Variants in DDAH1 observed in about 807,000 individuals in gnomAD.
The protein encoded by DDAH1 is N(G),N(G)-dimethylarginine dimethylaminohydrolase 1.
In DDAH1, 19 loss-of-function variants were observed where a neutral mutation model predicts 28.8. The ratio of observed to expected loss-of-function variants is 0.66; its 90% CI spans 0.46 to 0.97. The LOEUF is 0.97. Ranked by LOEUF, DDAH1 falls within the 50% of genes least tolerant of loss-of-function variation. The pLI, the probability that DDAH1 is intolerant of heterozygous loss-of-function variation, is 0.00. For synonymous variants in DDAH1, 153 were observed against 154.4 expected (o/e 0.99, Z 0.07); for missense variants, 326 against 375.9 (o/e 0.87, Z 1.10).
intron 2 of DDAH1, among the ~76,000 whole-genome samples, chr1:85,351,965 T>C (rs1649239562): frequency 6.6e-6 from 1 of 152,242 alleles, no homozygotes; most frequent in Middle Eastern, 3.2e-3. Context: ...GTAAATTTTA[T>C]GTTATGTATA....
At chr1:85,540,513 G>C (rs988621061) in intron 1 of DDAH1, among the ~76,000 whole-genome samples, 1 of 152,146 alleles carries the variant, frequency 6.6e-6, no homozygotes, top group Admixed American at 6.6e-5. Context: ...TCTTGTGCTA[G>C]GGTTACGTAT....
intron 2 of DDAH1, 42 bp from the exon 3 acceptor site, chr1:85,351,621 G>A (rs1187466439): frequency 7.2e-7 from 1 of 1,396,866 alleles, no homozygotes; most frequent in Admixed American, 1.7e-5. Flanking sequence ...GGTGGCACCA[G>A]TGACTGTACA....
chr1:85,354,200 G>C (rs1649372482), intron 2 of DDAH1, among the ~76,000 whole-genome samples: 1 of 152,094 alleles, frequency 6.6e-6, no homozygotes, highest in South Asian at 2.1e-4. Context: ...GGAGAAACCA[G>C]GCCATTTTTC....
chr1:85,541,881 C>T (rs1351628120), intron 1 of DDAH1, among the ~76,000 whole-genome samples: 2 of 152,196 alleles, frequency 1.3e-5, no homozygotes, highest in African/African-American at 4.8e-5. Flanking sequence ...GGTATCACCA[C>T]ATATTGAATC....
intron 2 of DDAH1, among the ~76,000 whole-genome samples, chr1:85,479,966 G>T (rs904198416): frequency 6.6e-6 from 1 of 152,202 alleles, no homozygotes. Flanking sequence ...TTTTTCTGAA[G>T]CAGACGTTCA....
At chr1:85,544,513 C>T (rs114918121) in intron 1 of DDAH1, among the ~76,000 whole-genome samples, 2,977 of 152,272 alleles carry the variant, frequency 0.02, 45 homozygotes, top group Non-Finnish European at 0.032. Context: ...CAGTGAATGC[C>T]TAACTCTGTC....
chr1:85,350,348 G>A (rs1370860503), intron 4 of DDAH1, 67 bp downstream of exon 4: 3 of 1,571,728 alleles, frequency 1.9e-6, no homozygotes, highest in Non-Finnish European at 1.7e-6. Flanking sequence ...CCCCAGCAGA[G>A]AGAATGTGAA....
At chr1:85,555,751 T>A (rs1273230868) in intron 1 of DDAH1, among the ~76,000 whole-genome samples, 2 of 152,088 alleles carry the variant, frequency 1.3e-5, no homozygotes, top group Admixed American at 1.3e-4. Context: ...TGACAAAAAG[T>A]CAATTTGAAC....
chr1:85,564,171 AAAAAC>A (rs141857011), intron 1 of DDAH1, among the ~76,000 whole-genome samples: 152 of 150,966 alleles, frequency 1.0e-3, no homozygotes, highest in South Asian at 6.9e-3. Flanking sequence ...ACTCCATCTC[AAAAAC>A]AAAACAAAAC....
At chr1:85,404,629 T>A in intron 1 of DDAH1, 1 of 870,266 alleles carries the variant, frequency 1.1e-6, no homozygotes, top group Non-Finnish European at 1.5e-6. Flanking sequence ...AAGAGTTCAA[T>A]GATACTGTAG....
intron 1 of DDAH1, among the ~76,000 whole-genome samples, chr1:85,571,493 A>C (rs1659451942): frequency 6.6e-6 from 1 of 152,212 alleles, no homozygotes; most frequent in Non-Finnish European, 1.5e-5. Context: ...CGGCTTCTAG[A>C]GCTTTAATCC....
chr1:85,480,978 T>C (rs947530144), intron 2 of DDAH1, among the ~76,000 whole-genome samples: 4 of 151,888 alleles, frequency 2.6e-5, no homozygotes, highest in Non-Finnish European at 4.4e-5. Context: ...ACTTTTGCTA[T>C]CTTTAAGAAG....
chr1:85,532,486 C>T (rs1266356138), intron 1 of DDAH1, among the ~76,000 whole-genome samples: 6 of 152,076 alleles, frequency 3.9e-5, no homozygotes, highest in Admixed American at 6.6e-5. Context: ...ACCACGTTTG[C>T]GATGAATAAA....
At chr1:85,329,503 T>G (rs551218170) in intron 4 of DDAH1, among the ~76,000 whole-genome samples, 4 of 152,342 alleles carry the variant, frequency 2.6e-5, no homozygotes, top group Admixed American at 6.5e-5. Flanking sequence ...TTCCTATACT[T>G]ACTAACATAA....
At chr1:85,553,946 A>G (rs1658881515) in intron 1 of DDAH1, among the ~76,000 whole-genome samples, 1 of 152,214 alleles carries the variant, frequency 6.6e-6, no homozygotes, top group Non-Finnish European at 1.5e-5. Context: ...GTCTTGGTTC[A>G]TAAGGAAGCC....
rs566872318 is a variant in DDAH1, at chr1:85,521,442, G to A, written c.-122-25161C>T. On this transcript the variant is annotated intron_variant, in intron 1 of 6. Coordinates refer to the DDAH1 transcript ENST00000426972. Reference sequence around the variant, plus strand: ...TAGATGCTGTCTCCACCATACAGCCGCCAGTGTGAACTCATGCTGTCTTTA... The same window carrying A: ...TAGATGCTGTCTCCACCATACAGCCACCAGTGTGAACTCATGCTGTCTTTA... Among the ~76,000 whole-genome samples, 957 of 151,438 alleles carry A rather than the reference G, an allele frequency of 6.3e-3. 4 individuals carry two copies. The highest frequency in any genetic ancestry group is 0.017 in the Middle Eastern group (5 of 292).
At chr1:85,327,101 G>A (rs1461472345) in intron 4 of DDAH1, among the ~76,000 whole-genome samples, 1 of 152,046 alleles carries the variant, frequency 6.6e-6, no homozygotes, top group Non-Finnish European at 1.5e-5. Flanking sequence ...ATTTATTATT[G>A]TGTGCAAGGG....
chr1:85,551,842 A>C (rs974309168), intron 1 of DDAH1, among the ~76,000 whole-genome samples: 1 of 152,224 alleles, frequency 6.6e-6, no homozygotes, highest in African/African-American at 2.4e-5. Context: ...TGTGGCAGTG[A>C]GATAGAGCAT....
At chr1:85,440,564 C>T (rs905686271) in intron 1 of DDAH1, among the ~76,000 whole-genome samples, 1 of 152,128 alleles carries the variant, frequency 6.6e-6, no homozygotes, top group African/African-American at 2.4e-5. Context: ...TCAATAATTC[C>T]AGTCTTTGAA....
Sources: allele counts gnomAD v4.1 joint callset (sites outside exome capture counted in the v4.1 genomes callset), GRCh38; gene constraint gnomAD v4.1.1; transcripts MANE v1.5; gene names NCBI Gene and HGNC (gene_info 2026-07-23, HGNC 2026-07-21).